The following LOC400499 variants were observed in gnomAD, a reference collection of about 807,000 sequenced individuals.
chr16:11,386,145 C>G, the LOC400499 span, among the ~76,000 whole-genome samples: 2 of 152,194 alleles, frequency 1.3e-5, no homozygotes, highest in African/African-American at 4.8e-5. Context: ...GTCCCTCAAA[C>G]ACAAGACTGG....
chr16:11,479,337 G>C, the LOC400499 span, among the ~76,000 whole-genome samples: 1 of 152,110 alleles, frequency 6.6e-6, no homozygotes, highest in African/African-American at 2.4e-5. Flanking sequence ...AAACTGGCTT[G>C]GAAAGGTAGC....
At chr16:11,502,937 T>TTTTTAAA in the LOC400499 span, among the ~76,000 whole-genome samples, 1 of 146,244 alleles carries the variant, frequency 6.8e-6, no homozygotes, top group African/African-American at 2.6e-5. Flanking sequence ...TTTTTTTTTT[T>TTTTTAAA]AAGAGACAGG....
At chr16:11,486,086 G>A in the LOC400499 span, among the ~76,000 whole-genome samples, 2 of 149,576 alleles carry the variant, frequency 1.3e-5, no homozygotes, top group Non-Finnish European at 2.9e-5. Context: ...ATGTATGGAT[G>A]GATGGACGGA....
chr16:11,415,963 T>TTG, the LOC400499 span, among the ~76,000 whole-genome samples: 2 of 20,048 alleles, frequency 1.0e-4, no homozygotes, highest in East Asian at 6.1e-4. Context: ...TTGTTTTGTT[T>TTG]TTTTTTTTTT....
At chr16:11,476,724 C>T in the LOC400499 span, 6 of 399,446 alleles carry the variant, frequency 1.5e-5, no homozygotes, top group Non-Finnish European at 2.2e-5. Flanking sequence ...CCTGCACCCT[C>T]GTGCTCATGG....
the LOC400499 span, among the ~76,000 whole-genome samples, chr16:11,373,529 G>C: frequency 6.6e-6 from 1 of 151,418 alleles, no homozygotes; most frequent in Admixed American, 6.6e-5. Context: ...AGACGGGGTT[G>C]GGCCAGGCTG....
chr16:11,525,702 C>T, the LOC400499 span, among the ~76,000 whole-genome samples: 1 of 152,196 alleles, frequency 6.6e-6, no homozygotes, highest in Non-Finnish European at 1.5e-5. Flanking sequence ...GCAGCCTGGC[C>T]CACCAGCCTC....
At chr16:11,450,630 G>A in the LOC400499 span, 67 of 1,535,864 alleles carry the variant, frequency 4.4e-5, no homozygotes, top group African/African-American at 6.8e-5. Flanking sequence ...TGGTAGCTGC[G>A]GTGTAAACCT....
the LOC400499 span, among the ~76,000 whole-genome samples, chr16:11,394,575 C>T: frequency 6.6e-6 from 1 of 152,256 alleles, no homozygotes; most frequent in Non-Finnish European, 1.5e-5. Flanking sequence ...GAAGCCCTAA[C>T]CTTCTATACC....
chr16:11,521,968 C>T, the LOC400499 span: 3 of 399,182 alleles, frequency 7.5e-6, no homozygotes, highest in East Asian at 3.6e-5. Context: ...AGCCATCTGG[C>T]ACAGGCCAAG....
the LOC400499 span, among the ~76,000 whole-genome samples, chr16:11,405,701 T>A: frequency 2.6e-5 from 4 of 152,188 alleles, no homozygotes; most frequent in African/African-American, 9.7e-5. Flanking sequence ...CGCATTATTA[T>A]TGCCCTGCCC....
chr16:11,402,392 C>A, the LOC400499 span: 1 of 375,878 alleles, frequency 2.7e-6, no homozygotes, highest in Non-Finnish European at 4.7e-6. Flanking sequence ...TACAATGAGA[C>A]TCTGAGGCTC....
At chr16:11,390,167 C>G in the LOC400499 span, 1 of 1,232,272 alleles carries the variant, frequency 8.1e-7, no homozygotes, top group African/African-American at 1.6e-5. Context: ...CCCGTGAGAA[C>G]GTGGCCTCAG....
the LOC400499 span, among the ~76,000 whole-genome samples, chr16:11,451,483 G>T: frequency 6.6e-6 from 1 of 152,110 alleles, no homozygotes; most frequent in African/African-American, 2.4e-5. Context: ...GGAGGCTGAG[G>T]TGGAGGCTGC....
the LOC400499 span, among the ~76,000 whole-genome samples, chr16:11,457,827 C>A: frequency 6.6e-6 from 1 of 152,142 alleles, no homozygotes; most frequent in Non-Finnish European, 1.5e-5. Context: ...ATGGAGTATT[C>A]GGCCTTAAAA....
the LOC400499 span, chr16:11,494,436 G>C: frequency 2.5e-6 from 1 of 395,646 alleles, no homozygotes; most frequent in Non-Finnish European, 4.4e-6. Flanking sequence ...GGGTTGAAGT[G>C]GGGAAGGGGG....
At chr16:11,407,323 C>T in the LOC400499 span, 1 of 397,018 alleles carries the variant, frequency 2.5e-6, no homozygotes, top group African/African-American at 2.1e-5. Flanking sequence ...GAACCTCACC[C>T]TTGGAGTAGT....
At chr16:11,461,077 G>A in the LOC400499 span, 1 of 1,536,040 alleles carries the variant, frequency 6.5e-7, no homozygotes, top group Non-Finnish European at 8.7e-7. Flanking sequence ...GGCACCCAGG[G>A]CGGCCACCCT....
At chr16:11,397,760 AGGGAGGGAGGGATGGAGGGAGG>A in the LOC400499 span, among the ~76,000 whole-genome samples, 2 of 8,212 alleles carry the variant, frequency 2.4e-4, no homozygotes, top group Non-Finnish European at 7.2e-4. Context: ...GGAGGGATGG[AGGGAGGGAGGGATGGAGGGAGG>A]GAGGGAGGGA....
Sources: gnomAD v4.1 joint callset for allele counts (sites outside exome capture counted in the v4.1 genomes callset) on GRCh38, gnomAD v4.1.1 for gene constraint, MANE v1.5 for transcripts.